Variants in DDX10 observed in about 807,000 individuals in gnomAD.
DDX10 encodes DEAD-box helicase 10.
DDX10 carries 74 observed loss-of-function variants against 104.3 expected under a neutral mutation model. The observed-to-expected ratio is 0.71, with a 90% CI of 0.59 to 0.86. The LOEUF (loss-of-function observed/expected upper bound fraction) is 0.86. Ranked by LOEUF, DDX10 falls within the 40% of genes least tolerant of loss-of-function variation. DDX10 has a pLI of 0.00. For missense variants in DDX10, 952 were observed against 1,040.0 expected (o/e 0.92, Z 1.16); for synonymous variants, 351 against 353.4 (o/e 0.99, Z 0.08).
intron 9 of DDX10, among the ~76,000 whole-genome samples, chr11:108,701,395 G>C (rs1018418435): frequency 1.2e-4 from 18 of 152,232 alleles, no homozygotes; most frequent in Admixed American, 7.9e-4. Context: ...GAAAAAGAGA[G>C]GACTGTGCGA....
intron 13 of DDX10, among the ~76,000 whole-genome samples, chr11:108,786,457 C>A (rs1168307751): frequency 1.3e-5 from 2 of 152,132 alleles, no homozygotes; most frequent in Non-Finnish European, 2.9e-5. Context: ...GTTGAACTCT[C>A]CCACTACTAT....
At chr11:108,893,728 C>T (rs1215937544) in intron 16 of DDX10, among the ~76,000 whole-genome samples, 1 of 151,960 alleles carries the variant, frequency 6.6e-6, no homozygotes, top group Non-Finnish European at 1.5e-5. Flanking sequence ...AGTCTAGCAG[C>T]TCAATGATGT....
chr11:108,852,272 T>C, intron 16 of DDX10, 63 bp downstream of exon 16: 2 of 1,314,506 alleles, frequency 1.5e-6, no homozygotes, highest in Non-Finnish European at 2.1e-6. Context: ...AAAAGCATTT[T>C]ATATTTTGGC....
At chr11:108,874,513 G>T (rs1863124726) in intron 16 of DDX10, among the ~76,000 whole-genome samples, 1 of 151,998 alleles carries the variant, frequency 6.6e-6, no homozygotes, top group Non-Finnish European at 1.5e-5. Flanking sequence ...TAGCATGACA[G>T]TTACTTTTTA....
intron 16 of DDX10, among the ~76,000 whole-genome samples, chr11:108,901,337 A>G (rs1863514284): frequency 1.3e-5 from 2 of 152,242 alleles, no homozygotes; most frequent in African/African-American, 4.8e-5. Flanking sequence ...CTAGATTTCT[A>G]AACCAAGTGA....
intron 16 of DDX10, among the ~76,000 whole-genome samples, chr11:108,857,098 G>A (rs941843752): frequency 6.6e-6 from 1 of 152,124 alleles, no homozygotes; most frequent in Non-Finnish European, 1.5e-5. Flanking sequence ...AGCTTCTTTG[G>A]TGGCAGAACT....
intron 16 of DDX10, among the ~76,000 whole-genome samples, chr11:108,915,123 C>T (rs1440617847): frequency 1.3e-5 from 2 of 152,028 alleles, no homozygotes; most frequent in African/African-American, 4.8e-5. Flanking sequence ...CTGGAAACTC[C>T]CCAAATTTAG....
At chr11:108,875,224 A>G (rs1210006677) in intron 16 of DDX10, among the ~76,000 whole-genome samples, 4 of 152,158 alleles carry the variant, frequency 2.6e-5, no homozygotes, top group Admixed American at 2.6e-4. Flanking sequence ...TAGTCAATCT[A>G]AGCTGGTTGT....
chr11:108,817,338 A>G (rs755261900), intron 13 of DDX10, among the ~76,000 whole-genome samples: 2 of 151,954 alleles, frequency 1.3e-5, no homozygotes, highest in Non-Finnish European at 2.9e-5. Context: ...TTGTTTCTTG[A>G]AAACAACAAA....
chr11:108,709,004 G>A (rs2094280503), intron 10 of DDX10, among the ~76,000 whole-genome samples: 1 of 151,922 alleles, frequency 6.6e-6, no homozygotes, highest in Non-Finnish European at 1.5e-5. Context: ...CATTCTTTTC[G>A]ATTTCCTATA....
At chr11:108,809,035 G>A (rs1304369505) in intron 13 of DDX10, among the ~76,000 whole-genome samples, 3 of 151,284 alleles carry the variant, frequency 2.0e-5, no homozygotes, top group African/African-American at 7.3e-5. Flanking sequence ...TTTTTTTCAG[G>A]AAATGCTAGT....
At chr11:108,818,182 G>C (rs897542402) in intron 13 of DDX10, among the ~76,000 whole-genome samples, 1 of 152,164 alleles carries the variant, frequency 6.6e-6, no homozygotes, top group Non-Finnish European at 1.5e-5. Flanking sequence ...AAGGTAGAGC[G>C]TATTACAACA....
At chr11:108,823,968 T>A (rs1351140167) in intron 13 of DDX10, among the ~76,000 whole-genome samples, 1 of 152,170 alleles carries the variant, frequency 6.6e-6, no homozygotes, top group African/African-American at 2.4e-5. Context: ...GTAGTAGAGG[T>A]GTGGATCGCT....
intron 13 of DDX10, among the ~76,000 whole-genome samples, chr11:108,800,165 C>T (rs139018345): frequency 1.3e-4 from 20 of 151,582 alleles, no homozygotes; most frequent in Non-Finnish European, 2.5e-4. Context: ...ACATCTTGAC[C>T]GAGCGCGGTG....
chr11:108,864,907 T>G (rs1030257494), intron 16 of DDX10, among the ~76,000 whole-genome samples: 2 of 152,140 alleles, frequency 1.3e-5, no homozygotes, highest in Admixed American at 6.5e-5. Context: ...ATGCCCAAAC[T>G]CTAGTTGTCT....
At chr11:108,761,940 A>G (rs550918205) in intron 13 of DDX10, among the ~76,000 whole-genome samples, 98 of 152,284 alleles carry the variant, frequency 6.4e-4, no homozygotes, top group African/African-American at 2.3e-3. Flanking sequence ...TATTTTCTAC[A>G]CTAATATAAA....
At chr11:108,757,356 C>G (rs2094345709) in intron 13 of DDX10, among the ~76,000 whole-genome samples, 1 of 151,980 alleles carries the variant, frequency 6.6e-6, no homozygotes, top group South Asian at 2.1e-4. Flanking sequence ...ATGTAATTAT[C>G]CAGCTAAAAA....
intron 13 of DDX10, among the ~76,000 whole-genome samples, chr11:108,833,207 C>T (rs1862496329): frequency 6.6e-6 from 1 of 152,204 alleles, no homozygotes. Context: ...AACATCTCTC[C>T]CTCAAAAGGA....
intron 17 of DDX10, among the ~76,000 whole-genome samples, chr11:108,936,464 A>G (rs1325097922): frequency 1.3e-5 from 2 of 152,160 alleles, no homozygotes; most frequent in Non-Finnish European, 2.9e-5. Flanking sequence ...TCTTTATTGC[A>G]AAGAGTAATA....
Sources: allele counts gnomAD v4.1 joint callset (sites outside exome capture counted in the v4.1 genomes callset), GRCh38; gene constraint gnomAD v4.1.1; transcripts MANE v1.5; gene names NCBI Gene and HGNC (gene_info 2026-07-23, HGNC 2026-07-21).